The following AOAH variants were observed in gnomAD, a reference collection of about 807,000 sequenced individuals.
AOAH encodes acyloxyacyl hydrolase, also known as acyloxyacyl hydrolase (neutrophil).
AOAH carries 64 observed loss-of-function variants against 92.2 expected under a neutral mutation model. That is an observed-to-expected ratio of 0.69 (90% CI 0.57 to 0.86). AOAH has a LOEUF of 0.86. AOAH is among the 40% of genes least tolerant of loss of function. The pLI, the probability that AOAH is intolerant of heterozygous loss-of-function variation, is 0.00. For synonymous variants in AOAH, 263 were observed against 254.5 expected (o/e 1.03, Z -0.32); for missense variants, 656 against 694.6 (o/e 0.94, Z 0.62).
rs1403362134 is a variant in AOAH at position 36,623,166 on chromosome 7, C to A, written c.582+24G>T. The A allele has an allele frequency of 5.0e-6, 8 of 1,600,714 alleles. 1 individual carries two copies. In the South Asian group the frequency reaches 8.8e-5, roughly 18 times the overall value. On this transcript the variant is annotated intron_variant, in intron 7 of 20. Coordinates refer to ENST00000617537, the MANE Select transcript of AOAH (RefSeq NM_001637.4). ...GAAGCAATGTGATGTTAGTGAACAT[C>A]TGGTTATTCCTAACAATACTTACTG... is the stretch of plus-strand genomic sequence containing the variant.
In AOAH at chr7:36,549,444, T is replaced by C. The variant is rs1338991123; in HGVS notation, c.1053A>G (p.Ile351Met). The change falls in exon 14 of 21, where the codon ATA (isoleucine) becomes ATG (methionine). Residue 351 changes from isoleucine to methionine, a missense_variant. By Grantham distance (10) the Ile-to-Met change is conservative. Transcript: ENST00000617537. ...ACTTCTTATCTTCTGCTTACCTTTC[T>C]ATAAATTTCTTCAGGTTTCGGGAAG... is the stretch of plus-strand genomic sequence containing the variant. ...GASSRNLKKF[I>M]ESLSRNKVLD... is the part of the protein sequence containing the mutation. The C allele has an allele frequency of 1.3e-6, 2 of 1,595,818 alleles. No individual in the cohort carries two copies. The highest frequency in any genetic ancestry group is 2.2e-5 in the South Asian group (2 of 89,052).
At chr7:36,638,501 G>A (rs1040172281) in intron 4 of AOAH, among the ~76,000 whole-genome samples, 16 of 151,040 alleles carry the variant, frequency 1.1e-4, no homozygotes, top group African/African-American at 3.5e-4. Context: ...CACACATTGC[G>A]AATATAAAGA....
rs1491120642 is a variant in AOAH, at chr7:36,608,908, GGA to G, written c.846+7470_846+7471del. ...TTAATATTAGGAGCTGTTGCGGCGG[GGA>G]GGGGGGGGGGTCTGGTACAAAGAGA... On this transcript the variant is annotated intron_variant, in intron 11 of 20. Transcript: ENST00000617537. Among the ~76,000 whole-genome samples the G allele has an allele frequency of 2.3e-3, 252 of 111,672 alleles. 2 individuals are homozygous for G. Among genetic ancestry groups the G allele is most frequent in the African/African-American group, 9.9e-3 (220 of 22,162 alleles). The allele number at this position is 111,672 out of a possible 152,430, so 73.3% of individuals were successfully genotyped here. A position where few individuals can be genotyped will look rare whatever the true frequency, so the allele number is the denominator to read the frequency against.
At chr7:36,715,536 A>C (rs1448129008) in intron 1 of AOAH, among the ~76,000 whole-genome samples, 3 of 151,198 alleles carry the variant, frequency 2.0e-5, no homozygotes, top group Non-Finnish European at 4.4e-5. Context: ...AAGCCAAAAG[A>C]ACAAAGCTGG....
chr7:36,517,214 C>CTTTCTTTCTTTTTTCTCTT lies in AOAH; in HGVS notation c.1600-3835_1600-3834insAAGAGAAAAAAGAAAGAAA, dbSNP rs59205788. Among the ~76,000 whole-genome samples the CTTTCTTTCTTTTTTCTCTT allele has an allele frequency of 2.9e-5, 3 of 104,830 alleles. 1 individual carries two copies. The highest frequency in any genetic ancestry group is 5.8e-5 in the Non-Finnish European group (3 of 52,062). 68.8% of individuals were successfully genotyped at this position (104,830 alleles called of 152,430 possible). A position where few individuals can be genotyped will look rare whatever the true frequency, so the allele number is the denominator to read the frequency against. ...TCTTTCTTTCTTTCTTTCTTTCTTT[C>CTTTCTTTCTTTTTTCTCTT]TCTTTCTTTCTGTCTCTCTCTCTCT... On this transcript the variant is annotated intron_variant, in intron 20 of 20. Coordinates refer to ENST00000617537, the MANE Select transcript of AOAH (RefSeq NM_001637.4).
At chr7:36,598,559 C>A (rs148135377) in intron 11 of AOAH, among the ~76,000 whole-genome samples, 2 of 152,274 alleles carry the variant, frequency 1.3e-5, no homozygotes, top group East Asian at 1.9e-4. Context: ...CAAGTCAGAG[C>A]CCTACTATGT....
intron 2 of AOAH, among the ~76,000 whole-genome samples, chr7:36,682,162 T>C (rs2116733424): frequency 6.6e-6 from 1 of 152,360 alleles, no homozygotes; most frequent in Admixed American, 6.5e-5. Context: ...TAGAGTCATC[T>C]GGCACCCACA....
rs142566503 is a variant in AOAH, at chr7:36,659,487, G to C, written c.291-222C>G. Among the ~76,000 whole-genome samples the C allele has an allele frequency of 9.2e-5, 14 of 152,282 alleles. 1 individual carries two copies. Among genetic ancestry groups the C allele is most frequent in the Admixed American group, 8.5e-4 (13 of 15,290 alleles). ...GAATGAGGTCCTAAAGGCGAGGATG[G>C]GGCATGCACAGCACTGAGCTGCCAG... On this transcript the variant is annotated intron_variant, in intron 3 of 20. Coordinates refer to ENST00000617537, the MANE Select transcript of AOAH (RefSeq NM_001637.4).
At chr7:36,573,251 G>A (rs1171755483) in intron 13 of AOAH, among the ~76,000 whole-genome samples, 1 of 152,194 alleles carries the variant, frequency 6.6e-6, no homozygotes, top group African/African-American at 2.4e-5. Context: ...CCTCTTCCAT[G>A]TGCTGGCTGC....
chr7:36,712,964 C>T lies in AOAH; in HGVS notation c.127+11058G>A, dbSNP rs576136931. ...CCAGCTAATATCATAATGACAGGAT[C>T]AAATTCACACATAACAATATTAACC... On this transcript the variant is annotated intron_variant, in intron 1 of 20. Coordinates refer to ENST00000617537, the MANE Select transcript of AOAH (RefSeq NM_001637.4). 6.6e-5 allele frequency among the ~76,000 whole-genome samples: 10 copies of T among 152,294 alleles called. No individual in the cohort carries two copies. In the South Asian group the frequency reaches 1.9e-3, roughly 28 times the overall value.
chr7:36,648,032 A>G (rs1406370477), intron 4 of AOAH, among the ~76,000 whole-genome samples: 2 of 152,010 alleles, frequency 1.3e-5, no homozygotes, highest in African/African-American at 4.8e-5. Context: ...GGGTTTCACC[A>G]TGTTGGCCAG....
chr7:36,552,495 T>C (rs144998641), intron 13 of AOAH, among the ~76,000 whole-genome samples: 82 of 152,302 alleles, frequency 5.4e-4, no homozygotes, highest in African/African-American at 1.9e-3. Context: ...AACAGAATGA[T>C]TTATATCCCA....
rs745664589 is a variant in AOAH, at chr7:36,620,847, A to G, written c.654-18T>C. ...TGTTCGGCCTAAGAAAAAAACATTA[A>G]CATTGGTCTTTGACATATGCTTGTC... On this transcript the variant is annotated intron_variant, in intron 8 of 20. Transcript: ENST00000617537. 5 of 1,612,930 alleles carry G rather than the reference A, an allele frequency of 3.1e-6. No individual in the cohort carries two copies. The highest frequency in any genetic ancestry group is 4.2e-6 in the Non-Finnish European group (5 of 1,179,120).
At chr7:36,639,803 T>C (rs558859340) in intron 4 of AOAH, among the ~76,000 whole-genome samples, 1 of 152,312 alleles carries the variant, frequency 6.6e-6, no homozygotes, top group African/African-American at 2.4e-5. Flanking sequence ...GTGAATGACA[T>C]AGACATCCCT....
intron 13 of AOAH, among the ~76,000 whole-genome samples, chr7:36,558,413 G>A (rs912460426): frequency 1.9e-4 from 29 of 152,232 alleles, no homozygotes; most frequent in Non-Finnish European, 4.1e-4. Flanking sequence ...GTGCCTCCCA[G>A]TTAGGCTGCT....
At chr7:36,695,480 A>G (rs374470913) in intron 1 of AOAH, among the ~76,000 whole-genome samples, 86 of 152,278 alleles carry the variant, frequency 5.6e-4, no homozygotes, top group Non-Finnish European at 9.3e-4. Flanking sequence ...TAATCTTCAC[A>G]ATGTTCTCAT....
At chr7:36,606,119 CAGAT>C (rs944765508) in intron 11 of AOAH, among the ~76,000 whole-genome samples, 1 of 152,180 alleles carries the variant, frequency 6.6e-6, no homozygotes, top group Non-Finnish European at 1.5e-5. Flanking sequence ...GAAGGTAACT[CAGAT>C]AGAATTCCCA....
At chr7:36,690,725 A>T (rs886575364) in intron 1 of AOAH, among the ~76,000 whole-genome samples, 1 of 152,194 alleles carries the variant, frequency 6.6e-6, no homozygotes, top group African/African-American at 2.4e-5. Flanking sequence ...CACCATCTGA[A>T]ATCTCACATA....
intron 13 of AOAH, among the ~76,000 whole-genome samples, chr7:36,570,089 C>T (rs1282518526): frequency 1.3e-5 from 2 of 152,130 alleles, no homozygotes; most frequent in Non-Finnish European, 2.9e-5. Context: ...CTAGGCACAA[C>T]GTTACACAAC....
Sources: gnomAD v4.1 joint callset for allele counts (sites outside exome capture counted in the v4.1 genomes callset) on GRCh38, gnomAD v4.1.1 for gene constraint, MANE v1.5 for transcripts, NCBI Gene and HGNC (gene_info 2026-07-23, HGNC 2026-07-21) for gene names.